Variants in TGFBR3 observed in about 807,000 individuals in gnomAD.
The protein encoded by TGFBR3 is transforming growth factor beta receptor type 3.
A neutral mutation model predicts 87.9 loss-of-function variants in TGFBR3; 46 were observed. That is an observed-to-expected ratio of 0.52 (90% CI 0.41 to 0.67). The LOEUF (loss-of-function observed/expected upper bound fraction) is 0.67, where lower values mean the gene tolerates loss of function less well. TGFBR3 is among the 30% of genes least tolerant of loss of function. The pLI is 0.00. For synonymous variants in TGFBR3, 381 were observed against 391.6 expected (o/e 0.97, Z 0.32); for missense variants, 866 against 1,041.9 (o/e 0.83, Z 2.32).
chr1:91,739,813 G>A (rs192639541), intron 4 of TGFBR3, among the ~76,000 whole-genome samples: 2 of 152,284 alleles, frequency 1.3e-5, no homozygotes, highest in East Asian at 3.9e-4. Context: ...AAGCATGGCT[G>A]GGAGGCCTCA....
intron 3 of TGFBR3, among the ~76,000 whole-genome samples, chr1:91,771,143 G>A (rs1010491527): frequency 6.6e-6 from 1 of 152,066 alleles, no homozygotes; most frequent in African/African-American, 2.4e-5. Flanking sequence ...TTTATCTCTA[G>A]GTTAATAAGC....
chr1:91,730,592 G>T (rs1672732597), intron 5 of TGFBR3, among the ~76,000 whole-genome samples: 1 of 152,076 alleles, frequency 6.6e-6, no homozygotes, highest in Non-Finnish European at 1.5e-5. Context: ...GTATTTCATG[G>T]TCAGCGTATT....
intron 2 of TGFBR3, among the ~76,000 whole-genome samples, chr1:91,806,648 G>A (rs1675844824): frequency 6.6e-6 from 1 of 152,172 alleles, no homozygotes; most frequent in Admixed American, 6.5e-5. Context: ...CTAATGAGGA[G>A]CGTGTGTTCA....
At chr1:91,780,883 C>CA (rs1557706790) in intron 3 of TGFBR3, among the ~76,000 whole-genome samples, 91 of 107,212 alleles carry the variant, frequency 8.5e-4, no homozygotes, top group African/African-American at 3.3e-3. Context: ...AACTAGAGAA[C>CA]TACACACACA....
chr1:91,802,783 T>C (rs746604385), intron 2 of TGFBR3, among the ~76,000 whole-genome samples: 4 of 151,986 alleles, frequency 2.6e-5, no homozygotes, highest in Non-Finnish European at 5.9e-5. Context: ...GTGCCTGTTG[T>C]TCCTCCTTCA....
intron 1 of TGFBR3, among the ~76,000 whole-genome samples, chr1:91,875,780 C>CGGGG (rs1204497451): frequency 4.4e-4 from 3 of 6,848 alleles, no homozygotes; most frequent in Non-Finnish European, 1.0e-3. Flanking sequence ...CCCAGCTACT[C>CGGGG]GGGCGGGGGG....
At chr1:91,802,641 G>A (rs745434167) in intron 2 of TGFBR3, among the ~76,000 whole-genome samples, 25 of 152,190 alleles carry the variant, frequency 1.6e-4, no homozygotes, top group Non-Finnish European at 2.2e-4. Context: ...GATTACAGGC[G>A]TGAGCCACCA....
chr1:91,776,638 T>G (rs76197959), intron 3 of TGFBR3, among the ~76,000 whole-genome samples: 2 of 152,162 alleles, frequency 1.3e-5, no homozygotes, highest in Non-Finnish European at 2.9e-5. Context: ...GCGTTTGACT[T>G]TGGCTCTGAT....
chr1:91,696,426 T>C (rs541563325), intron 15 of TGFBR3, among the ~76,000 whole-genome samples: 1 of 152,368 alleles, frequency 6.6e-6, no homozygotes, highest in Non-Finnish European at 1.5e-5. Context: ...TTAACACTTT[T>C]CCAACCATGA....
intron 4 of TGFBR3, among the ~76,000 whole-genome samples, chr1:91,740,284 C>T (rs990948776): frequency 1.3e-5 from 2 of 151,744 alleles, no homozygotes; most frequent in African/African-American, 4.8e-5. Flanking sequence ...GTCTCAAACT[C>T]CTGACCTCAG....
upstream of TGFBR3, among the ~76,000 whole-genome samples, chr1:91,886,744 G>GA (rs771790235): frequency 2.6e-4 from 40 of 152,012 alleles, no homozygotes; most frequent in Non-Finnish European, 3.8e-4. Flanking sequence ...GGCGCCGGCG[G>GA]AGTCTTGCCT....
intron 4 of TGFBR3, among the ~76,000 whole-genome samples, chr1:91,739,829 C>T (rs1356276088): frequency 2.0e-5 from 3 of 152,182 alleles, no homozygotes. Context: ...CCTCAGGAAA[C>T]TTACAATCAT....
intron 3 of TGFBR3, among the ~76,000 whole-genome samples, chr1:91,769,027 C>T (rs1391089157): frequency 6.6e-6 from 1 of 152,176 alleles, no homozygotes; most frequent in Non-Finnish European, 1.5e-5. Context: ...CAGAGCCAGG[C>T]ATTAGGTTGG....
chr1:91,715,417 T>C (rs17881699), intron 12 of TGFBR3, among the ~76,000 whole-genome samples: 183 of 152,332 alleles, frequency 1.2e-3, no homozygotes, highest in African/African-American at 4.3e-3. Flanking sequence ...GTACCAGCTG[T>C]GTGGCCTCAG....
chr1:91,828,197 A>G (rs1557732146), intron 2 of TGFBR3, among the ~76,000 whole-genome samples: 1 of 152,180 alleles, frequency 6.6e-6, no homozygotes, highest in East Asian at 1.9e-4. Context: ...TTTACTTACT[A>G]CCCTAATTAC....
intron 2 of TGFBR3, among the ~76,000 whole-genome samples, chr1:91,846,949 T>C (rs999602312): frequency 5.3e-5 from 8 of 151,904 alleles, no homozygotes; most frequent in Non-Finnish European, 1.0e-4. Context: ...AAAGAAAAAA[T>C]ATTGTTACAT....
intron 14 of TGFBR3, among the ~76,000 whole-genome samples, chr1:91,705,229 T>TC (rs1235504338): frequency 4.0e-5 from 6 of 150,386 alleles, no homozygotes; most frequent in Non-Finnish European, 7.4e-5. Flanking sequence ...TCTTTTCTTT[T>TC]TTTTTTTTTT....
At chr1:91,716,461 T>A (rs1446233601) in intron 11 of TGFBR3, 67 bp from the exon 12 acceptor site, 7 of 1,613,902 alleles carry the variant, frequency 4.3e-6, no homozygotes, top group Non-Finnish European at 5.9e-6. Flanking sequence ...TGTAGCTTCA[T>A]GAGCTTTGGC....
chr1:91,825,395 T>C (rs547095679), intron 2 of TGFBR3, among the ~76,000 whole-genome samples: 6 of 152,224 alleles, frequency 3.9e-5, no homozygotes, highest in Non-Finnish European at 8.8e-5. Flanking sequence ...AAAGGCCACA[T>C]ATGGCATGAC....
Sources: allele counts gnomAD v4.1 joint callset (sites outside exome capture counted in the v4.1 genomes callset), GRCh38; gene constraint gnomAD v4.1.1; transcripts MANE v1.5; gene names NCBI Gene and HGNC (gene_info 2026-07-23, HGNC 2026-07-21).